Variants in DNAJC1 observed in about 807,000 individuals in gnomAD.
DNAJC1 encodes the protein dnaJ homolog subfamily C member 1.
A neutral mutation model predicts 76.6 loss-of-function variants in DNAJC1; 58 were observed. The ratio of observed to expected loss-of-function variants is 0.76; its 90% CI spans 0.61 to 0.94. The LOEUF (loss-of-function observed/expected upper bound fraction) is 0.94, where lower values mean the gene tolerates loss of function less well. Ranked by LOEUF, DNAJC1 falls within the 40% of genes least tolerant of loss-of-function variation. The pLI is 0.00. For synonymous variants in DNAJC1, 258 were observed against 267.9 expected, an observed-to-expected ratio of 0.96 and a Z score of 0.36; for missense variants, 689 against 677.3, an observed-to-expected ratio of 1.02 and a Z score of -0.19.
intron 6 of DNAJC1, among the ~76,000 whole-genome samples, chr10:21,918,482 CAGT>C (rs1319874567): frequency 6.7e-6 from 1 of 148,910 alleles, no homozygotes; most frequent in African/African-American, 2.5e-5. Flanking sequence ...TTAATGATAA[CAGT>C]GGATTAAATT....
chr10:21,965,172 T>C (rs780236138), intron 1 of DNAJC1, among the ~76,000 whole-genome samples: 3 of 152,110 alleles, frequency 2.0e-5, no homozygotes, highest in Non-Finnish European at 4.4e-5. Flanking sequence ...CTGCATCTCT[T>C]TGTTATCTCA....
At chr10:21,915,062 G>T (rs1836930072) in intron 6 of DNAJC1, among the ~76,000 whole-genome samples, 1 of 152,132 alleles carries the variant, frequency 6.6e-6, no homozygotes, top group African/African-American at 2.4e-5. Flanking sequence ...GTAGTGCTTT[G>T]TTCTGATATA....
chr10:21,881,843 G>GT (rs1836283739), intron 8 of DNAJC1, among the ~76,000 whole-genome samples: 3 of 80,962 alleles, frequency 3.7e-5, no homozygotes, highest in African/African-American at 1.1e-4. Context: ...CCCTCAATTT[G>GT]TAAAAAAAAA....
intron 8 of DNAJC1, among the ~76,000 whole-genome samples, chr10:21,863,465 A>G (rs1184020920): frequency 6.6e-6 from 1 of 152,134 alleles, no homozygotes; most frequent in Admixed American, 6.5e-5. Context: ...ATGAAATTCT[A>G]CACAGAGGAG....
intron 2 of DNAJC1, among the ~76,000 whole-genome samples, 184 bp downstream of exon 2, chr10:21,928,856 T>C (rs1305036636): frequency 1.3e-5 from 2 of 152,130 alleles, no homozygotes; most frequent in Non-Finnish European, 2.9e-5. Flanking sequence ...TCCAAGAATT[T>C]AGAGATGCTA....
chr10:21,791,718 A>T (rs1337139380), intron 9 of DNAJC1, among the ~76,000 whole-genome samples: 1 of 152,206 alleles, frequency 6.6e-6, no homozygotes, highest in Non-Finnish European at 1.5e-5. Context: ...AACAAATCAA[A>T]ATCTACTGAA....
chr10:21,971,943 A>T (rs1274617406), intron 1 of DNAJC1, among the ~76,000 whole-genome samples: 1 of 151,626 alleles, frequency 6.6e-6, no homozygotes, highest in Non-Finnish European at 1.5e-5. Flanking sequence ...CAAAAATTGG[A>T]CTCTATAATT....
At chr10:21,955,142 A>G (rs1247769780) in intron 1 of DNAJC1, among the ~76,000 whole-genome samples, 4 of 152,218 alleles carry the variant, frequency 2.6e-5, no homozygotes, top group African/African-American at 9.6e-5. Flanking sequence ...GCAGGGGGGA[A>G]CAGCCCCCAG....
At chr10:21,781,384 A>G (rs1834525218) in intron 9 of DNAJC1, among the ~76,000 whole-genome samples, 1 of 152,252 alleles carries the variant, frequency 6.6e-6, no homozygotes, top group Admixed American at 6.5e-5. Flanking sequence ...ATTATAACAA[A>G]CTGTCTCTCA....
chr10:21,993,241 A>G (rs1838356416), intron 1 of DNAJC1, among the ~76,000 whole-genome samples: 1 of 152,168 alleles, frequency 6.6e-6, no homozygotes, highest in Non-Finnish European at 1.5e-5. Flanking sequence ...ACGCACACAC[A>G]CCTGCACCCT....
chr10:21,944,469 A>T (rs570559646), intron 1 of DNAJC1, among the ~76,000 whole-genome samples: 1 of 152,228 alleles, frequency 6.6e-6, no homozygotes, highest in East Asian at 1.9e-4. Flanking sequence ...AATTCTTTCC[A>T]TTTATATATT....
At chr10:21,917,465 A>G (rs531376322) in intron 6 of DNAJC1, among the ~76,000 whole-genome samples, 3 of 152,194 alleles carry the variant, frequency 2.0e-5, no homozygotes, top group South Asian at 2.1e-4. Flanking sequence ...TAACTCATCT[A>G]TATTCTGGTT....
chr10:21,791,344 TCAA>T lies in DNAJC1; in HGVS notation c.1098+14633_1098+14635del, dbSNP rs558748534. Among the ~76,000 whole-genome samples the T allele has an allele frequency of 2.8e-3, 424 of 152,180 alleles. 2 individuals are homozygous for T. The highest frequency in any genetic ancestry group is 9.9e-3 in the African/African-American group (411 of 41,542). ...GTGGACAGATCATTCAGACAGGAAATCAACAACAAGAAAACACTGAATTTGAAT... is the reference window on the plus strand; with the variant it reads ...GTGGACAGATCATTCAGACAGGAAATCAACAAGAAAACACTGAATTTGAAT... On this transcript the variant is annotated intron_variant, in intron 9 of 11. Transcript: ENST00000376980.
intron 8 of DNAJC1, among the ~76,000 whole-genome samples, chr10:21,820,891 T>C (rs1209423470): frequency 6.6e-6 from 1 of 152,180 alleles, no homozygotes; most frequent in Admixed American, 6.5e-5. Flanking sequence ...AGAGCTTCCA[T>C]ATCATTTCTG....
At chr10:21,907,708 G>A (rs1590043170) in intron 6 of DNAJC1, among the ~76,000 whole-genome samples, 2 of 151,914 alleles carry the variant, frequency 1.3e-5, no homozygotes, top group East Asian at 3.9e-4. Context: ...CAGGTGTGGT[G>A]GCTCACACCT....
chr10:21,874,252 C>T (rs1836425188), intron 8 of DNAJC1, among the ~76,000 whole-genome samples: 1 of 151,464 alleles, frequency 6.6e-6, no homozygotes, highest in African/African-American at 2.4e-5. Flanking sequence ...GCCGTCCAAA[C>T]AAAAAAAATA....
At chr10:21,942,055 T>C in intron 1 of DNAJC1, among the ~76,000 whole-genome samples, 1 of 152,168 alleles carries the variant, frequency 6.6e-6, no homozygotes, top group East Asian at 1.9e-4. Context: ...TTGTTTCTCA[T>C]TAACTATACA....
intron 8 of DNAJC1, among the ~76,000 whole-genome samples, chr10:21,816,939 G>A (rs1835087568): frequency 6.8e-6 from 1 of 146,660 alleles, no homozygotes; most frequent in African/African-American, 2.5e-5. Flanking sequence ...TGGATCACAA[G>A]GTCAGGAGAT....
chr10:21,856,170 A>G (rs1162460194), intron 8 of DNAJC1, among the ~76,000 whole-genome samples: 3 of 152,162 alleles, frequency 2.0e-5, no homozygotes, highest in Non-Finnish European at 2.9e-5. Flanking sequence ...AAGAAACCAA[A>G]TTTTCCCAAG....
Sources: allele counts gnomAD v4.1 joint callset (sites outside exome capture counted in the v4.1 genomes callset), GRCh38; gene constraint gnomAD v4.1.1; transcripts MANE v1.5; gene names NCBI Gene and HGNC (gene_info 2026-07-23, HGNC 2026-07-21).